Variants in KCNV2 observed in about 807,000 individuals in gnomAD.
KCNV2 encodes the protein potassium voltage-gated channel modifier subfamily V member 2.
Under a neutral mutation model 37.0 loss-of-function variants are expected in KCNV2, and 65 were observed. The observed-to-expected ratio is 1.76, with a 90% CI of 1.44 to 2.16. The LOEUF is 2.16. Among genes scored for constraint, KCNV2 ranks in the 30% most tolerant of loss-of-function variants. The pLI, the probability that KCNV2 is intolerant of heterozygous loss-of-function variation, is 0.00. For synonymous variants in KCNV2, 518 were observed against 328.6 expected, an observed-to-expected ratio of 1.58 and a Z score of -6.23; for missense variants, 1,232 against 766.7, an observed-to-expected ratio of 1.61 and a Z score of -7.17.
rs370789466 is a variant in KCNV2 at position 2,719,090 on chromosome 9, G to A, written c.1351G>A (p.Ala451Thr). Residue 451 changes from alanine (A) to threonine (T), a missense_variant, in exon 1 of 2, where the codon GCC becomes ACC. Ala to Thr is a moderately conservative substitution (Grantham distance 58). Transcript: ENST00000382082. ...FTTIPHSWWWAAVSISTVGYG... is the reference protein window; with the variant it reads ...FTTIPHSWWWTAVSISTVGYG... ...TACCATCCCCCACTCCTGGTGGTGG[G>A]CCGCGGTGAGTACCTTTGCCCTGGG... 1.8e-5 allele frequency: 29 copies of A among 1,609,126 alleles called. No individual in the cohort carries two copies. The highest frequency in any genetic ancestry group is 2.5e-5 in the Non-Finnish European group (29 of 1,179,972).
At chr9:2,724,819 T>C (rs1312213972) in intron 1 of KCNV2, among the ~76,000 whole-genome samples, 2 of 152,206 alleles carry the variant, frequency 1.3e-5, no homozygotes, top group Non-Finnish European at 2.9e-5. Context: ...CTGGGAAATG[T>C]AGTTTGCAGA....
In KCNV2 at chr9:2,718,935, C is replaced by T. The variant is rs200444639; in HGVS notation, c.1196C>T (p.Ala399Val). Residue 399 changes from alanine to valine, a missense_variant, in exon 1 of 2, where the codon GCC (alanine) becomes GTC (valine). Transcript: ENST00000382082. The stretch of plus-strand genomic sequence containing the variant: ...GCGCGCCACTCCACCGGACTGCGTG[C>T]CTTCGGCTTCACGCTGCGCCAGTGC... ...KLARHSTGLR[A>V]FGFTLRQCYQ... 3.8e-5 allele frequency: 61 copies of T among 1,609,532 alleles called. No homozygotes were observed. The East Asian group carries it at 1.2e-3, about 31-fold the overall frequency.
At chr9:2,725,153 AC>A (rs1461224683) in intron 1 of KCNV2, among the ~76,000 whole-genome samples, 3 of 152,210 alleles carry the variant, frequency 2.0e-5, no homozygotes, top group African/African-American at 7.2e-5. Flanking sequence ...ATTATTGCGC[AC>A]CTTTCTGTGG....
intron 1 of KCNV2, among the ~76,000 whole-genome samples, chr9:2,728,315 C>T (rs911291714): frequency 5.9e-5 from 9 of 152,078 alleles, no homozygotes; most frequent in Non-Finnish European, 1.2e-4. Context: ...AAAGAGTGCC[C>T]CCCTGGAGTA....
At chr9:2,722,745 ACT>A (rs765018399) in intron 1 of KCNV2, among the ~76,000 whole-genome samples, 14 of 152,174 alleles carry the variant, frequency 9.2e-5, no homozygotes, top group African/African-American at 1.2e-4. Flanking sequence ...GTCAGCGTAT[ACT>A]CTGATTTCAG....
chr9:2,729,391 T>G, intron 1 of KCNV2, 55 bp from the exon 2 acceptor site: 1 of 1,602,760 alleles, frequency 6.2e-7, no homozygotes, highest in Non-Finnish European at 8.5e-7. Context: ...TCTCCCTTTC[T>G]TCTCCTCCCC....
At chr9:2,727,426 A>AC (rs1819986941) in intron 1 of KCNV2, among the ~76,000 whole-genome samples, 1 of 151,996 alleles carries the variant, frequency 6.6e-6, no homozygotes, top group East Asian at 1.9e-4. Context: ...TAGAACTTAA[A>AC]TAAAAAAAAG....
At chr9:2,729,379 C>T (rs1293848985) in intron 1 of KCNV2, 67 bp from the exon 2 acceptor site, 9 of 1,568,642 alleles carry the variant, frequency 5.7e-6, no homozygotes, top group Non-Finnish European at 7.9e-6. Context: ...CCTGCTTGCT[C>T]CTCTCCCTTT....
chr9:2,729,739 A>C lies in KCNV2; in HGVS notation c.*12A>C. The C allele has an allele frequency of 6.2e-7, 1 of 1,613,570 alleles. No homozygotes were observed. Among genetic ancestry groups the C allele is most frequent in the Non-Finnish European group, 8.5e-7 (1 of 1,179,534 alleles). ...GACAAGAGAATTAGTATTTTATAGGACATGTGGCTGGTAGATTCCATGAAC... is the reference window on the plus strand; with the variant it reads ...GACAAGAGAATTAGTATTTTATAGGCCATGTGGCTGGTAGATTCCATGAAC... On this transcript the variant is annotated 3_prime_UTR_variant, in exon 2 of 2. Transcript: ENST00000382082.
chr9:2,728,333 G>A (rs563684967), intron 1 of KCNV2, among the ~76,000 whole-genome samples: 72 of 152,228 alleles, frequency 4.7e-4, no homozygotes, highest in African/African-American at 1.7e-3. Context: ...GTAGTGCAAC[G>A]CAAAAATGTT....
chr9:2,717,561 C>G lies in KCNV2; in HGVS notation c.-179C>G, dbSNP rs1449957608. The stretch of plus-strand genomic sequence containing the variant: ...AGACCCTGCAGGCTGGGCTGGCCTG[C>G]CCAGGACCTGAGAAGGGGCAGCTCC... On this transcript the variant is annotated 5_prime_UTR_variant, in exon 1 of 2. Coordinates refer to ENST00000382082, the MANE Select transcript of KCNV2 (RefSeq NM_133497.4). 2.8e-6 allele frequency: 2 copies of G among 722,270 alleles called. No homozygotes were observed. Among genetic ancestry groups the G allele is most frequent in the Non-Finnish European group, 4.7e-6 (2 of 428,028 alleles). The allele number at this position is 722,270 out of a possible 1,614,324, so 44.7% of individuals were successfully genotyped here.
At position 2,718,388 on chromosome 9, in the gene KCNV2, C is replaced by T. The variant is rs2130860955; in HGVS notation, c.649C>T (p.Gln217Ter). ...RDELSERLKIQHELRAQAQVE... is the reference protein window; with the variant it reads ...RDELSERLKI ...CGAGCTGAGCGAACGGCTCAAGATC[C>T]AGCACGAGCTGCGCGCGCAGGCGCA... is the stretch of plus-strand genomic sequence containing the variant. Residue 217 changes from glutamine (Q) to a stop codon, truncating the protein, a stop_gained, in exon 1 of 2, where the codon CAG becomes TAG. Transcript: ENST00000382082. LOFTEE classifies it high-confidence loss of function. 6.2e-7 allele frequency: 1 copy of T among 1,601,172 alleles called. No homozygotes were observed. The highest frequency in any genetic ancestry group is 8.5e-7 in the Non-Finnish European group (1 of 1,175,190).
intron 1 of KCNV2, among the ~76,000 whole-genome samples, chr9:2,725,583 A>G (rs1016802812): frequency 6.6e-6 from 1 of 152,240 alleles, no homozygotes; most frequent in Admixed American, 6.5e-5. Context: ...CAATAATAGC[A>G]TGAGTAAGTA....
At chr9:2,722,115 A>T (rs987140574) in intron 1 of KCNV2, among the ~76,000 whole-genome samples, 2 of 137,560 alleles carry the variant, frequency 1.5e-5, no homozygotes, top group African/African-American at 6.1e-5. Flanking sequence ...AGTTATTTAT[A>T]AATAAATTAG....
chr9:2,729,675 C>A lies in KCNV2; in HGVS notation c.1586C>A (p.Ala529Asp). 6.2e-7 allele frequency: 1 copy of A among 1,614,100 alleles called. No individual in the cohort carries two copies. Among genetic ancestry groups the A allele is most frequent in the South Asian group, 1.1e-5 (1 of 91,080 alleles). ...ATGCAGAGAGCCAGAAAGAAGATAG[C>A]TGAGTGTTTGCTTGGAAGCAACCCA... ...NFMQRARKKI[A>D]ECLLGSNPQL... Residue 529 changes from alanine (A) to aspartate (D), a missense_variant, in exon 2 of 2, where the codon GCT (alanine) becomes GAT (aspartate). Ala to Asp is a moderately radical substitution (Grantham distance 126). Transcript: ENST00000382082.
In KCNV2 at chr9:2,718,644, T is replaced by C. The variant is rs779696666; in HGVS notation, c.905T>C (p.Leu302Pro). Residue 302 changes from leucine (L) to proline (P), a missense_variant, in exon 1 of 2, where the codon CTG (leucine) becomes CCG (proline). Coordinates refer to ENST00000382082, the MANE Select transcript of KCNV2 (RefSeq NM_133497.4). ...GEGGPDLRPILEHVEMLCMGF... is the reference protein window; with the variant it reads ...GEGGPDLRPIPEHVEMLCMGF... ...GGCGGCCCAGACCTGCGGCCCATCC[T>C]GGAGCACGTGGAGATGCTGTGCATG... 8.1e-6 allele frequency: 13 copies of C among 1,613,160 alleles called. No individual in the cohort carries two copies. Among genetic ancestry groups the C allele is most frequent in the African/African-American group, 1.3e-5 (1 of 74,930 alleles).
In KCNV2 at chr9:2,718,223, T is replaced by G; in HGVS notation, c.484T>G (p.Tyr162Asp). Reference sequence around the variant, plus strand: ...CGACCCGGCCGTCTTCCAGCTGGTCTACAATTTCTACCTGTCCGGGGTGCT... The same window carrying G: ...CGACCCGGCCGTCTTCCAGCTGGTCGACAATTTCTACCTGTCCGGGGTGCT... ...DRDPAVFQLV[Y>D]NFYLSGVLLV... is the part of the protein sequence containing the mutation. Residue 162 changes from tyrosine to aspartate, a missense_variant, in exon 1 of 2, where the codon TAC becomes GAC. By Grantham distance (160) the Tyr-to-Asp change is radical. Transcript: ENST00000382082. The G allele has an allele frequency of 6.2e-7, 1 of 1,613,534 alleles. No homozygotes were observed. Among genetic ancestry groups the G allele is most frequent in the Non-Finnish European group, 8.5e-7 (1 of 1,179,950 alleles).
intron 1 of KCNV2, among the ~76,000 whole-genome samples, chr9:2,720,766 A>G (rs990191259): frequency 6.6e-6 from 1 of 152,214 alleles, no homozygotes; most frequent in African/African-American, 2.4e-5. Context: ...TGAACCCACA[A>G]AAGTTTTTTC....
chr9:2,720,968 A>G (rs1267345535), intron 1 of KCNV2, among the ~76,000 whole-genome samples: 3 of 152,224 alleles, frequency 2.0e-5, no homozygotes, highest in South Asian at 2.1e-4. Context: ...TCAATGTACA[A>G]TGAAGTCTAA....
Sources: gnomAD v4.1 joint callset for allele counts (sites outside exome capture counted in the v4.1 genomes callset) on GRCh38, gnomAD v4.1.1 for gene constraint, MANE v1.5 for transcripts, NCBI Gene and HGNC (gene_info 2026-07-23, HGNC 2026-07-21) for gene names.